The following PTPRK variants were observed in gnomAD, a reference collection of about 807,000 sequenced individuals.
PTPRK encodes the protein receptor-type tyrosine-protein phosphatase kappa.
A neutral mutation model predicts 178.0 loss-of-function variants in PTPRK; 75 were observed. The observed-to-expected ratio is 0.42, with a 90% CI of 0.35 to 0.51. The LOEUF (loss-of-function observed/expected upper bound fraction) is 0.51, where lower values mean the gene tolerates loss of function less well. Ranked by LOEUF, PTPRK falls within the 20% of genes least tolerant of loss-of-function variation. The pLI is 0.02. For synonymous variants in PTPRK, 637 were observed against 620.6 expected, an observed-to-expected ratio of 1.03 and a Z score of -0.39; for missense variants, 1,441 against 1,797.8, an observed-to-expected ratio of 0.80 and a Z score of 3.59.
At chr6:128,511,529 G>A (rs554792734) in intron 1 of PTPRK, among the ~76,000 whole-genome samples, 6 of 152,176 alleles carry the variant, frequency 3.9e-5, no homozygotes, top group Non-Finnish European at 7.4e-5. Context: ...CACAGCCATC[G>A]TGCCTCTATA....
chr6:128,205,777 C>CAAAAAAAAAAAA (rs57003128), intron 6 of PTPRK, among the ~76,000 whole-genome samples: 3 of 15,228 alleles, frequency 2.0e-4, no homozygotes, highest in African/African-American at 2.4e-4. Context: ...CATCACAGAC[C>CAAAAAAAAAAAA]AAAAAAAAAA....
intron 12 of PTPRK, among the ~76,000 whole-genome samples, chr6:128,067,177 G>GGAAGACAGAACAAT (rs1781933445): frequency 6.6e-6 from 1 of 152,200 alleles, no homozygotes; most frequent in South Asian, 2.1e-4. Context: ...CACTGAGCAA[G>GGAAGACAGAACAAT]GAAGACAGAA....
chr6:128,002,578 G>C (rs982926263), intron 15 of PTPRK, among the ~76,000 whole-genome samples: 4 of 151,836 alleles, frequency 2.6e-5, no homozygotes, highest in African/African-American at 9.7e-5. Context: ...ATTGTCATTA[G>C]TAATAGCATT....
At chr6:128,025,061 A>G (rs1015238336) in intron 13 of PTPRK, among the ~76,000 whole-genome samples, 2 of 152,256 alleles carry the variant, frequency 1.3e-5, no homozygotes, top group Non-Finnish European at 2.9e-5. Context: ...ATGTGGAATA[A>G]ATTCTACAAA....
rs192554551 is a variant in PTPRK at position 128,053,995 on chromosome 6, T to C, written c.2194+10763A>G. Among the ~76,000 whole-genome samples the C allele has an allele frequency of 1.2e-3, 177 of 152,282 alleles. 2 individuals are homozygous for C. The highest frequency in any genetic ancestry group is 2.9e-4 in the Non-Finnish European group (20 of 68,030). ...AATCTAACATATATGCTATTGAGAT[T>C]TTTTTTAACCCAAAATGTTACATAT... On this transcript the variant is annotated intron_variant, in intron 13 of 29. Coordinates refer to ENST00000368226, the MANE Select transcript of PTPRK (RefSeq NM_002844.4).
chr6:128,280,276 C>T (rs552072369), intron 3 of PTPRK, among the ~76,000 whole-genome samples: 1 of 152,256 alleles, frequency 6.6e-6, no homozygotes, highest in Non-Finnish European at 1.5e-5. Context: ...GGACAGAGTT[C>T]TGCATACTCA....
intron 24 of PTPRK, among the ~76,000 whole-genome samples, chr6:127,981,603 C>A (rs552223224): frequency 6.6e-6 from 1 of 152,082 alleles, no homozygotes; most frequent in Admixed American, 6.5e-5. Context: ...ATGATAATGA[C>A]CCTTCATCAC....
chr6:128,064,500 A>G (rs762325443), intron 13 of PTPRK, among the ~76,000 whole-genome samples: 4 of 152,148 alleles, frequency 2.6e-5, no homozygotes, highest in Non-Finnish European at 5.9e-5. Context: ...GCAGCACAAG[A>G]TTTTTCAGAC....
At chr6:127,973,203 G>T in intron 28 of PTPRK, 46 bp from the exon 29 acceptor site, 2 of 1,611,260 alleles carry the variant, frequency 1.2e-6, no homozygotes, top group South Asian at 2.2e-5. Context: ...AGCACCAAGT[G>T]ACCACAGGTC....
chr6:128,259,076 G>C (rs1377807111), intron 3 of PTPRK, among the ~76,000 whole-genome samples: 1 of 151,822 alleles, frequency 6.6e-6, no homozygotes, highest in Admixed American at 6.6e-5. Flanking sequence ...GGAGAAGTGT[G>C]GGGAGGTCCA....
At chr6:128,374,727 T>C (rs1473499046) in intron 2 of PTPRK, among the ~76,000 whole-genome samples, 1 of 152,182 alleles carries the variant, frequency 6.6e-6, no homozygotes, top group Non-Finnish European at 1.5e-5. Context: ...CCCATCCCAA[T>C]GTCTACTCTC....
At chr6:127,977,384 G>A (rs1377242093) in intron 25 of PTPRK, among the ~76,000 whole-genome samples, 2 of 152,204 alleles carry the variant, frequency 1.3e-5, no homozygotes, top group Non-Finnish European at 2.9e-5. Flanking sequence ...AACATCCTCT[G>A]TAAGGTTCCT....
intron 1 of PTPRK, among the ~76,000 whole-genome samples, chr6:128,514,370 A>ATATG (rs1554287529): frequency 6.7e-6 from 1 of 148,276 alleles, no homozygotes; most frequent in African/African-American, 2.5e-5. Context: ...CATTGTTAAG[A>ATATG]TGTGTGTGTG....
intron 1 of PTPRK, among the ~76,000 whole-genome samples, chr6:128,429,845 A>T (rs73589577): frequency 0.035 from 5,291 of 152,240 alleles, 287 homozygotes; most frequent in African/African-American, 0.12. Flanking sequence ...TCAAATAGAC[A>T]GAGAACATCA....
At chr6:128,183,447 T>C (rs1348931965) in intron 7 of PTPRK, among the ~76,000 whole-genome samples, 4 of 152,172 alleles carry the variant, frequency 2.6e-5, no homozygotes, top group African/African-American at 9.7e-5. Flanking sequence ...ATCATCTAAG[T>C]CTCAGGCTAA....
At chr6:128,417,113 C>T (rs924991816) in intron 1 of PTPRK, among the ~76,000 whole-genome samples, 2 of 151,320 alleles carry the variant, frequency 1.3e-5, no homozygotes, top group Non-Finnish European at 2.9e-5. Context: ...GTATTTTCCC[C>T]TTTTTTTATA....
chr6:128,083,894 C>A, intron 8 of PTPRK, 70 bp from the exon 9 acceptor site: 3 of 743,636 alleles, frequency 4.0e-6, no homozygotes, highest in Admixed American at 2.9e-5. Context: ...ATCAGATAAG[C>A]TAGATAAACA....
At chr6:128,407,604 C>G (rs926581329) in intron 1 of PTPRK, among the ~76,000 whole-genome samples, 3 of 130,260 alleles carry the variant, frequency 2.3e-5, no homozygotes, top group African/African-American at 8.8e-5. Context: ...CAACTGTACT[C>G]CAGCCTGATG....
chr6:128,483,449 T>C (rs1334606970), intron 1 of PTPRK, among the ~76,000 whole-genome samples: 1 of 152,160 alleles, frequency 6.6e-6, no homozygotes, highest in African/African-American at 2.4e-5. Flanking sequence ...AATATTAATT[T>C]TGATTTTTCA....
Sources: gnomAD v4.1 joint callset for allele counts (sites outside exome capture counted in the v4.1 genomes callset) on GRCh38, gnomAD v4.1.1 for gene constraint, MANE v1.5 for transcripts, NCBI Gene and HGNC (gene_info 2026-07-23, HGNC 2026-07-21) for gene names.